The following GNAS variants were observed in gnomAD, a reference collection of about 807,000 sequenced individuals.
The protein encoded by GNAS is protein ALEX.
GNAS carries 8 observed loss-of-function variants against 54.5 expected under a neutral mutation model. That is an observed-to-expected ratio of 0.15 (90% CI 0.09 to 0.26). GNAS has a LOEUF of 0.26. Ranked by LOEUF, GNAS falls within the 10% of genes least tolerant of loss-of-function variation. The probability of loss-of-function intolerance (pLI) is 1.00; values close to 1 mark genes in which losing one functional copy is unlikely to be tolerated. For synonymous variants in GNAS, 204 were observed against 191.4 expected (o/e 1.07, Z -0.54); for missense variants, 170 against 529.8 (o/e 0.32, Z 6.67).
At chr20:58,885,578 G>A (rs1386023933) in intron 1 of GNAS, among the ~76,000 whole-genome samples, 5 of 152,060 alleles carry the variant, frequency 3.3e-5, no homozygotes, top group Non-Finnish European at 7.4e-5. Flanking sequence ...ACAAGTTTAG[G>A]GTTACTTTAT....
intron 1 of GNAS, among the ~76,000 whole-genome samples, chr20:58,874,725 G>T (rs2087694022): frequency 6.6e-6 from 1 of 151,738 alleles, no homozygotes; most frequent in Admixed American, 6.6e-5. Context: ...CTTTGCTGCT[G>T]GCCTGCCTTC....
At position 58,859,190 on chromosome 20, in the gene GNAS, T is replaced by A. The variant is rs533898263; in HGVS notation, c.43+18304T>A. Among the ~76,000 whole-genome samples, 5 of 152,294 alleles carry A rather than the reference T, an allele frequency of 3.3e-5. No homozygotes were observed. In the South Asian group the frequency reaches 1.0e-3, roughly 32 times the overall value. ...GTAACCAGTAATAATAATAACACAT[T>A]CTGATTACATTTTTTGTTTGTTTGA... On this transcript the variant is annotated intron_variant, in intron 1 of 12. Coordinates refer to the GNAS transcript ENST00000306090.
intron 1 of GNAS, among the ~76,000 whole-genome samples, chr20:58,874,561 T>TG: frequency 6.6e-6 from 1 of 152,384 alleles, no homozygotes; most frequent in East Asian, 1.9e-4. Flanking sequence ...TCTTAGCTCT[T>TG]GGGCTGGCCC....
At chr20:58,854,436 G>A in intron 1 of GNAS, 4 of 1,573,498 alleles carry the variant, frequency 2.5e-6, no homozygotes, top group East Asian at 4.8e-5. Flanking sequence ...AGCGGATACC[G>A]CTGCCAGGGC....
intron 1 of GNAS, chr20:58,855,939 C>CA (rs1600723394): frequency 5.3e-6 from 2 of 379,660 alleles, no homozygotes; most frequent in East Asian, 4.3e-5. Flanking sequence ...ATGGCCCGGG[C>CA]AAAAAACTTT....
intron 1 of GNAS, chr20:58,854,840 G>C (rs771935309): frequency 1.9e-6 from 3 of 1,596,618 alleles, no homozygotes; most frequent in African/African-American, 1.3e-5. Flanking sequence ...CCAGACGCAA[G>C]ATCCATCTCA....
Position 58,895,542 on chromosome 20 carries a change from A to G in GNAS, c.140-70A>G, listed in dbSNP as rs1469225415. The G allele has an allele frequency of 3.8e-5, 35 of 921,772 alleles. No individual in the cohort carries two copies. The East Asian group carries it at 5.5e-4, about 15-fold the overall frequency. 57.1% of individuals were successfully genotyped at this position (921,772 alleles called of 1,614,324 possible). ...GCTTCTATGGAAAAACAAAACAACA[A>G]CAGCAGACCTCCCTGCCCAAAGTGT... is the stretch of plus-strand genomic sequence containing the variant. On this transcript the variant is annotated intron_variant, in intron 1 of 12. Transcript: ENST00000371085.
At position 58,910,312 on chromosome 20, in the gene GNAS, T is replaced by C; in HGVS notation, c.971-22T>C. 1 of 1,560,670 alleles carries C rather than the reference T, an allele frequency of 6.4e-7. No individual in the cohort carries two copies. The highest frequency in any genetic ancestry group is 2.2e-5 in the East Asian group (1 of 44,622). On this transcript the variant is annotated intron_variant, in intron 11 of 12. Coordinates refer to ENST00000371085, the MANE Select transcript of GNAS (RefSeq NM_000516.7). The surrounding 1 kb of genome is among the most constrained non-coding windows in gnomAD (Gnocchi z 5.8). ...CTGCTTGAATTTTAAATTACATTAA[T>C]ATGTATTCCCTTTTTATATAGCTAC...
At position 58,895,596 on chromosome 20, in the gene GNAS, T is replaced by TA. The variant is rs1568992339; in HGVS notation, c.140-15dup. 2.6e-6 allele frequency: 4 copies of TA among 1,541,558 alleles called. No homozygotes were observed. The Admixed American group carries it at 5.0e-5, about 19-fold the overall frequency. On this transcript the variant is annotated splice_polypyrimidine_tract_variant and intron_variant, in intron 1 of 12. Coordinates refer to ENST00000371085, the MANE Select transcript of GNAS (RefSeq NM_000516.7). ...AATGCCTCCTTCATAACCTGAGACTTACTTTCATTTTCTAGGTGCTGGAGA... is the reference window on the plus strand; with the variant it reads ...AATGCCTCCTTCATAACCTGAGACTTAACTTTCATTTTCTAGGTGCTGGAGA...
Position 58,880,201 on chromosome 20 carries a change from G to A in GNAS, c.44-15411G>A, listed in dbSNP as rs374570756. ...ATGGCTCCTTGGCACATCTCCCTTTGTAGTTCAGTCTTACACAGTCCATTT... is the reference window on the plus strand; with the variant it reads ...ATGGCTCCTTGGCACATCTCCCTTTATAGTTCAGTCTTACACAGTCCATTT... On this transcript the variant is annotated intron_variant, in intron 1 of 12. Coordinates refer to the GNAS transcript ENST00000306090. 2.1e-4 allele frequency among the ~76,000 whole-genome samples: 32 copies of A among 152,290 alleles called. No homozygotes were observed. The East Asian group carries it at 3.1e-3, about 15-fold the overall frequency.
At chr20:58,892,127 C>G (rs1568981430) in intron 1 of GNAS, 4 of 965,298 alleles carry the variant, frequency 4.1e-6, no homozygotes, top group East Asian at 1.2e-4. Flanking sequence ...CTCAGTGTCT[C>G]TCTCTTGCTC....
intron 1 of GNAS, chr20:58,884,281 T>C (rs1026246640): frequency 3.3e-5 from 5 of 152,254 alleles, no homozygotes; most frequent in African/African-American, 1.2e-4. Flanking sequence ...ACAAAATGAA[T>C]TGCCTGATTA....
chr20:58,877,396 A>G (rs1369247860), intron 1 of GNAS, among the ~76,000 whole-genome samples: 1 of 152,186 alleles, frequency 6.6e-6, no homozygotes, highest in East Asian at 1.9e-4. Context: ...CACCTGCTAC[A>G]TGCTAGCTTC....
At chr20:58,898,366 AC>A (rs1780785020) in intron 2 of GNAS, 1 of 151,450 alleles carries the variant, frequency 6.6e-6, no homozygotes, top group Non-Finnish European at 1.5e-5. Context: ...TTTTTTTGCT[AC>A]ATCACAGTCC....
At chr20:58,866,274 T>C (rs1334996300) in intron 1 of GNAS, among the ~76,000 whole-genome samples, 1 of 152,118 alleles carries the variant, frequency 6.6e-6, no homozygotes, top group East Asian at 1.9e-4. Context: ...GACAGACAGT[T>C]AGATTGCAGG....
intron 6 of GNAS, among the ~76,000 whole-genome samples, chr20:58,908,377 A>G (rs1004932600): frequency 2.6e-5 from 4 of 152,336 alleles, no homozygotes; most frequent in African/African-American, 9.6e-5. Flanking sequence ...TGGACCAAAC[A>G]GAACGGAAGA....
In GNAS at chr20:58,910,524, T is replaced by C; in HGVS notation, c.1038+123T>C. On this transcript the variant is annotated intron_variant, in intron 12 of 12. Coordinates refer to ENST00000371085, the MANE Select transcript of GNAS (RefSeq NM_000516.7). The surrounding 1 kb of genome is among the most constrained non-coding windows in gnomAD (Gnocchi z 5.8). ...GTTCCATGGTTTTAGTTCACGCACA[T>C]CCAGTGTGGATTTGAGCTCTTTGCG... The C allele has an allele frequency of 8.8e-7, 1 of 1,135,238 alleles. No homozygotes were observed. Among genetic ancestry groups the C allele is most frequent in the Non-Finnish European group, 1.3e-6 (1 of 753,950 alleles). 70.3% of individuals were successfully genotyped at this position (1,135,238 alleles called of 1,614,324 possible). A position where few individuals can be genotyped will look rare whatever the true frequency, so the allele number is the denominator to read the frequency against.
Position 58,891,620 on chromosome 20 carries a change from G to A in GNAS, c.-107G>A, listed in dbSNP as rs1224362083. On this transcript the variant is annotated 5_prime_UTR_variant, in exon 1 of 13. Transcript: ENST00000371085. ...CTCCTTGCCGAGGAGCCGAGCCCGC[G>A]CCCGGCCCGCCCGCCCGGCGCTGCC... The A allele has an allele frequency of 2.2e-5, 21 of 965,182 alleles. No homozygotes were observed. The highest frequency in any genetic ancestry group is 1.3e-4 in the Admixed American group (2 of 14,952). The allele number at this position is 965,182 out of a possible 1,614,324, so 59.8% of individuals were successfully genotyped here.
intron 1 of GNAS, chr20:58,855,043 A>G: frequency 6.2e-7 from 1 of 1,612,990 alleles, no homozygotes; most frequent in Non-Finnish European, 8.5e-7. Flanking sequence ...CGCTGGTTTC[A>G]GCATCGGCGA....
Sources: allele counts gnomAD v4.1 joint callset (sites outside exome capture counted in the v4.1 genomes callset), GRCh38; gene constraint gnomAD v4.1.1; non-coding constraint Gnocchi (gnomAD v3.1); transcripts MANE v1.5; gene names NCBI Gene and HGNC (gene_info 2026-07-23, HGNC 2026-07-21).